The following EDNRA variants were observed in gnomAD, a reference collection of about 807,000 sequenced individuals.
EDNRA encodes endothelin-1 receptor.
Under a neutral mutation model 41.4 loss-of-function variants are expected in EDNRA, and 11 were observed. That is an observed-to-expected ratio of 0.27 (90% confidence interval 0.17 to 0.44). The LOEUF (loss-of-function observed/expected upper bound fraction) is 0.44. Among genes scored for constraint, EDNRA ranks in the 20% least tolerant of loss-of-function variants. The probability of loss-of-function intolerance (pLI) is 1.00; values close to 1 mark genes in which losing one functional copy is unlikely to be tolerated. For missense variants in EDNRA, 294 were observed against 531.0 expected, an observed-to-expected ratio of 0.55 and a Z score of 4.39; for synonymous variants, 172 against 183.0, an observed-to-expected ratio of 0.94 and a Z score of 0.49.
At chr4:147,524,438 C>T (rs992840217) in intron 3 of EDNRA, among the ~76,000 whole-genome samples, 2 of 149,326 alleles carry the variant, frequency 1.3e-5, no homozygotes, top group African/African-American at 4.9e-5. Context: ...TGTTCCATCA[C>T]GATAAATAGT....
intron 3 of EDNRA, among the ~76,000 whole-genome samples, chr4:147,530,774 G>C (rs1053266774): frequency 5.9e-5 from 9 of 151,954 alleles, no homozygotes; most frequent in Admixed American, 5.9e-4. Context: ...GGCTTGTCTT[G>C]GTGGATATGG....
intron 3 of EDNRA, among the ~76,000 whole-genome samples, chr4:147,532,217 T>C (rs375793948): frequency 1.1e-4 from 16 of 145,154 alleles, no homozygotes; most frequent in African/African-American, 4.1e-4. Context: ...TCCCAGCTAC[T>C]CGGGAGGCTG....
intron 3 of EDNRA, among the ~76,000 whole-genome samples, chr4:147,521,135 G>A (rs1302804972): frequency 6.6e-6 from 1 of 152,058 alleles, no homozygotes; most frequent in Non-Finnish European, 1.5e-5. Flanking sequence ...ATGCATGCCT[G>A]TAGTCCCAGC....
intron 7 of EDNRA, among the ~76,000 whole-genome samples, chr4:147,541,356 G>A (rs536083047): frequency 6.6e-6 from 1 of 152,242 alleles, no homozygotes; most frequent in Admixed American, 6.5e-5. Context: ...CTTGGACCAG[G>A]CTGTTTAACT....
intron 1 of EDNRA, among the ~76,000 whole-genome samples, chr4:147,484,176 T>C (rs1728867083): frequency 6.6e-6 from 1 of 152,188 alleles, no homozygotes; most frequent in Non-Finnish European, 1.5e-5. Flanking sequence ...GGATGAGCTA[T>C]TTTTAATTAT....
chr4:147,539,864 T>C lies in EDNRA; in HGVS notation c.948T>C (p.Ala316=), dbSNP rs200941957. 5 of 1,613,226 alleles carry C rather than the reference T, an allele frequency of 3.1e-6. No individual in the cohort carries two copies. The highest frequency in any genetic ancestry group is 1.7e-5 in the Admixed American group (1 of 59,734). Residue 316 remains alanine (A), a synonymous_variant, in exon 6 of 8, where the codon GCT becomes GCC. Transcript: ENST00000651419. ...KTVFCLVVIF[A]LCWFPLHLSR... is the part of the protein sequence containing the mutation. ...TTTTCTGCTTGGTTGTAATTTTTGCTCTTTGCTGGTTCCCTCTTCATTTAA... is the reference window on the plus strand; with the variant it reads ...TTTTCTGCTTGGTTGTAATTTTTGCCCTTTGCTGGTTCCCTCTTCATTTAA...
chr4:147,525,030 C>A (rs7655892), intron 3 of EDNRA, among the ~76,000 whole-genome samples: 2 of 152,036 alleles, frequency 1.3e-5, no homozygotes, highest in Non-Finnish European at 2.9e-5. Flanking sequence ...TGGCCCAGGA[C>A]AAAGAGTTCC....
Position 147,486,180 on chromosome 4 carries a change from T to C in EDNRA, c.420+79T>C, listed in dbSNP as rs1424569159. 2 of 1,472,744 alleles carry C rather than the reference T, an allele frequency of 1.4e-6. No homozygotes were observed. Among genetic ancestry groups the C allele is most frequent in the Admixed American group, 2.3e-5 (1 of 44,032 alleles). 91.2% of individuals were successfully genotyped at this position (1,472,744 alleles called of 1,614,324 possible). A position where few individuals can be genotyped will look rare whatever the true frequency, so the allele number is the denominator to read the frequency against. On this transcript the variant is annotated intron_variant, in intron 2 of 7. Transcript: ENST00000651419. The surrounding 1 kb of genome is among the most constrained non-coding windows in gnomAD (Gnocchi z 4.3). ...CGTGGAGAGTTGCTGCAGACTTTTC[T>C]GACCTTTGGAATTTTATCTGTGTTT...
At chr4:147,493,809 G>T (rs981658762) in intron 2 of EDNRA, 1 of 151,980 alleles carries the variant, frequency 6.6e-6, no homozygotes, top group Non-Finnish European at 1.5e-5. Context: ...TTTAAATTTG[G>T]TACATTTTTG....
chr4:147,495,176 C>G (rs1729263929), intron 2 of EDNRA: 1 of 152,150 alleles, frequency 6.6e-6, no homozygotes, highest in Non-Finnish European at 1.5e-5. Context: ...GTAACTTCCT[C>G]AAAGTCACAC....
rs10305866 is a variant in EDNRA, at chr4:147,485,389, A to G, written c.-70-223A>G. Reference sequence around the variant, plus strand: ...GGAGATGACAGAGATGATGGAGATGATGGAGATGGAGATGGAGACTGACAT... The same window carrying G: ...GGAGATGACAGAGATGATGGAGATGGTGGAGATGGAGATGGAGACTGACAT... On this transcript the variant is annotated intron_variant, in intron 1 of 7. Transcript: ENST00000651419. 6.2e-4 allele frequency among the ~76,000 whole-genome samples: 95 copies of G among 152,300 alleles called. 1 individual carries two copies. The highest frequency in any genetic ancestry group is 2.0e-3 in the African/African-American group (83 of 41,564).
chr4:147,508,409 G>A (rs1729801869), intron 2 of EDNRA, among the ~76,000 whole-genome samples: 1 of 152,190 alleles, frequency 6.6e-6, no homozygotes, highest in Admixed American at 6.5e-5. Flanking sequence ...AAAGCTCTGG[G>A]ATTACAGGCA....
At chr4:147,523,461 GTT>G (rs796601293) in intron 3 of EDNRA, among the ~76,000 whole-genome samples, 1 of 131,022 alleles carries the variant, frequency 7.6e-6, no homozygotes, top group Non-Finnish European at 1.6e-5. Context: ...TTGGGTGTTT[GTT>G]TTTTTTTGTT....
intron 7 of EDNRA, among the ~76,000 whole-genome samples, 196 bp from the exon 8 acceptor site, chr4:147,542,282 T>A (rs1242665233): frequency 6.6e-6 from 1 of 152,244 alleles, no homozygotes; most frequent in Non-Finnish European, 1.5e-5. Flanking sequence ...ACAAGGGTTC[T>A]ATTTCTCTGC....
rs546034631 is a variant in EDNRA, at chr4:147,517,653, C to A, written c.421-2198C>A. On this transcript the variant is annotated intron_variant, in intron 2 of 7. Transcript: ENST00000651419. ...ATAATTCCCAAGAAGAATCAATGCT[C>A]ACTCCTAGGAAAAGGAAAAAGAACA... Among the ~76,000 whole-genome samples, 3 of 152,262 alleles carry A rather than the reference C, an allele frequency of 2.0e-5. No individual in the cohort carries two copies. The South Asian group carries it at 6.2e-4, about 32-fold the overall frequency.
chr4:147,509,470 G>A (rs1291198475), intron 2 of EDNRA, among the ~76,000 whole-genome samples: 1 of 152,138 alleles, frequency 6.6e-6, no homozygotes, highest in Non-Finnish European at 1.5e-5. Flanking sequence ...GAGAACCAGT[G>A]ATCTAGATCA....
chr4:147,495,777 A>C (rs140570147), intron 2 of EDNRA: 1 of 152,362 alleles, frequency 6.6e-6, no homozygotes, highest in Non-Finnish European at 1.5e-5. Flanking sequence ...GGTTAGAAAC[A>C]TCAGGCTTGA....
At chr4:147,506,239 C>T in intron 2 of EDNRA, 1 of 510,886 alleles carries the variant, frequency 2.0e-6, no homozygotes, top group South Asian at 1.4e-5. Context: ...GGCCGAAAAG[C>T]AGCTTCAGTC....
chr4:147,496,401 A>G (rs1729300354), intron 2 of EDNRA, among the ~76,000 whole-genome samples: 1 of 152,244 alleles, frequency 6.6e-6, no homozygotes, highest in South Asian at 2.1e-4. Flanking sequence ...ATCTATGAAA[A>G]TTAGGGTTAT....
Sources: gnomAD v4.1 joint callset for allele counts (sites outside exome capture counted in the v4.1 genomes callset) on GRCh38, gnomAD v4.1.1 for gene constraint, Gnocchi (gnomAD v3.1) non-coding constraint, MANE v1.5 for transcripts, NCBI Gene and HGNC (gene_info 2026-07-23, HGNC 2026-07-21) for gene names.